Variants in KCNH1 observed in about 807,000 individuals in gnomAD.
KCNH1 encodes voltage-gated delayed rectifier potassium channel KCNH1.
Under a neutral mutation model 69.2 loss-of-function variants are expected in KCNH1, and 27 were observed. That is an observed-to-expected ratio of 0.39 (90% CI 0.29 to 0.54). The LOEUF is 0.54. KCNH1 is among the 20% of genes least tolerant of loss of function. KCNH1 has a pLI of 0.68. For missense variants in KCNH1, 798 were observed against 1,261.6 expected, an observed-to-expected ratio of 0.63 and a Z score of 5.57; for synonymous variants, 456 against 487.7, an observed-to-expected ratio of 0.93 and a Z score of 0.86.
chr1:211,047,461 G>A (rs777542596), intron 5 of KCNH1, among the ~76,000 whole-genome samples: 1 of 152,140 alleles, frequency 6.6e-6, no homozygotes, highest in African/African-American at 2.4e-5. Context: ...TTACAGAGAG[G>A]GCTAAAAACA....
At chr1:210,859,197 C>T in intron 7 of KCNH1, 1 of 1,606,166 alleles carries the variant, frequency 6.2e-7, no homozygotes, top group South Asian at 1.1e-5. Flanking sequence ...GGTACTGGGC[C>T]TCCAAAATTG....
chr1:210,773,431 T>C (rs1267210627), intron 10 of KCNH1, among the ~76,000 whole-genome samples: 1 of 152,232 alleles, frequency 6.6e-6, no homozygotes. Context: ...CTGAGGATAC[T>C]AAGGCACCAA....
chr1:210,881,696 G>A (rs762331397), intron 7 of KCNH1, among the ~76,000 whole-genome samples: 2 of 152,132 alleles, frequency 1.3e-5, no homozygotes, highest in African/African-American at 2.4e-5. Context: ...ATATTATTCA[G>A]TACTAAAAAG....
chr1:211,100,461 C>T (rs1024606215), intron 3 of KCNH1, among the ~76,000 whole-genome samples: 1 of 152,132 alleles, frequency 6.6e-6, no homozygotes, highest in Non-Finnish European at 1.5e-5. Context: ...CGACAATTCT[C>T]CTGCCTCACC....
In KCNH1 at chr1:210,680,253, C is replaced by A. The variant is rs1318614992; in HGVS notation, c.*3028G>T. On this transcript the variant is annotated 3_prime_UTR_variant, in exon 11 of 11. Transcript: ENST00000271751. ...GGGACAGGACCTACCCTCTTCAAAG[C>A]AGCCTGTCAGGATATTCTCTGGGAA... is the stretch of plus-strand genomic sequence containing the variant. 6.6e-6 allele frequency: 1 copy of A among 152,204 alleles called. No homozygotes were observed. Among genetic ancestry groups the A allele is most frequent in the Non-Finnish European group, 1.5e-5 (1 of 68,062 alleles). 9.4% of individuals were successfully genotyped at this position (152,204 alleles called of 1,614,324 possible).
intron 7 of KCNH1, among the ~76,000 whole-genome samples, chr1:210,841,570 C>T (rs898559288): frequency 1.3e-5 from 2 of 152,160 alleles, no homozygotes; most frequent in Non-Finnish European, 2.9e-5. Flanking sequence ...TTTCTCTCAG[C>T]CACCCATGGT....
intron 9 of KCNH1, among the ~76,000 whole-genome samples, chr1:210,797,276 C>T (rs1194793635): frequency 6.6e-6 from 1 of 152,216 alleles, no homozygotes; most frequent in African/African-American, 2.4e-5. Context: ...AGACTGGGAG[C>T]CCCTTGAGGA....
intron 9 of KCNH1, among the ~76,000 whole-genome samples, chr1:210,795,186 T>C (rs1421093508): frequency 6.6e-6 from 1 of 152,192 alleles, no homozygotes; most frequent in Non-Finnish European, 1.5e-5. Context: ...GGTCTCCTTC[T>C]GTCACTCAGG....
intron 5 of KCNH1, among the ~76,000 whole-genome samples, chr1:211,020,055 A>C (rs957407907): frequency 6.6e-6 from 1 of 152,146 alleles, no homozygotes; most frequent in Non-Finnish European, 1.5e-5. Context: ...AGAAGTAAAA[A>C]GATTTTAAAT....
chr1:210,781,406 G>C (rs1222977057), intron 9 of KCNH1, among the ~76,000 whole-genome samples: 2 of 152,076 alleles, frequency 1.3e-5, no homozygotes, highest in African/African-American at 4.8e-5. Flanking sequence ...GTATCAGGAA[G>C]TCCTTTGTCC....
At chr1:211,049,616 T>C (rs1690157158) in intron 5 of KCNH1, among the ~76,000 whole-genome samples, 1 of 152,128 alleles carries the variant, frequency 6.6e-6, no homozygotes, top group Non-Finnish European at 1.5e-5. Context: ...GATAGTTTCA[T>C]AGTCAAAGTG....
Position 210,680,707 on chromosome 1 carries a change from C to A in KCNH1, c.*2574G>T, listed in dbSNP as rs1681244024. ...AAGAAAACAATTACAGCAAAAAATCCCTCAAATCCTAGGGAGGATTACAGG... is the reference window on the plus strand; with the variant it reads ...AAGAAAACAATTACAGCAAAAAATCACTCAAATCCTAGGGAGGATTACAGG... On this transcript the variant is annotated 3_prime_UTR_variant, in exon 11 of 11. Transcript: ENST00000271751. 6.6e-6 allele frequency: 1 copy of A among 152,126 alleles called. No individual in the cohort carries two copies. Among genetic ancestry groups the A allele is most frequent in the Non-Finnish European group, 1.5e-5 (1 of 68,014 alleles). 9.4% of individuals were successfully genotyped at this position (152,126 alleles called of 1,614,324 possible).
chr1:210,782,127 T>C (rs56264689), intron 9 of KCNH1, among the ~76,000 whole-genome samples: 35,850 of 151,996 alleles, frequency 0.24, 5,023 homozygotes, highest in African/African-American at 0.4. Flanking sequence ...TGTTTCCTCC[T>C]GGAAACACCC....
At chr1:210,799,258 AC>A (rs1361098444) in intron 8 of KCNH1, among the ~76,000 whole-genome samples, 1 of 152,188 alleles carries the variant, frequency 6.6e-6, no homozygotes, top group Non-Finnish European at 1.5e-5. Context: ...GAAAACTGAG[AC>A]ACAAGGAAGA....
intron 5 of KCNH1, among the ~76,000 whole-genome samples, chr1:211,077,515 A>T (rs1409537011): frequency 6.6e-6 from 1 of 152,214 alleles, no homozygotes; most frequent in African/African-American, 2.4e-5. Context: ...ACTAAGCTTC[A>T]TAAGCAAAGG....
intron 6 of KCNH1, among the ~76,000 whole-genome samples, chr1:211,000,793 T>C (rs1006288301): frequency 6.6e-6 from 1 of 152,178 alleles, no homozygotes; most frequent in Non-Finnish European, 1.5e-5. Context: ...CAAAACAGCA[T>C]GGTACTGGTA....
At chr1:210,878,385 CA>C (rs1383038816) in intron 7 of KCNH1, among the ~76,000 whole-genome samples, 1 of 151,850 alleles carries the variant, frequency 6.6e-6, no homozygotes, top group Non-Finnish European at 1.5e-5. Flanking sequence ...CAAGATAGAA[CA>C]CATTCTGGGC....
At chr1:210,905,970 C>A (rs2102542327) in intron 7 of KCNH1, among the ~76,000 whole-genome samples, 1 of 152,326 alleles carries the variant, frequency 6.6e-6, no homozygotes, top group Middle Eastern at 3.4e-3. Context: ...GCGTAAAGCC[C>A]TTACTCCTCT....
intron 7 of KCNH1, among the ~76,000 whole-genome samples, chr1:210,909,995 T>C (rs919545571): frequency 4.6e-5 from 7 of 152,200 alleles, no homozygotes; most frequent in African/African-American, 1.4e-4. Context: ...ATCTGGATGT[T>C]AAAAAATTTT....
Sources: gnomAD v4.1 joint callset for allele counts (sites outside exome capture counted in the v4.1 genomes callset) on GRCh38, gnomAD v4.1.1 for gene constraint, MANE v1.5 for transcripts, NCBI Gene and HGNC (gene_info 2026-07-23, HGNC 2026-07-21) for gene names.